RHBDF1: variants seen among roughly 807,000 people sequenced by gnomAD.
RHBDF1 encodes the protein rhomboid 5 homolog 1.
A neutral mutation model predicts 98.6 loss-of-function variants in RHBDF1; 80 were observed. That is an observed-to-expected ratio of 0.81 (90% CI 0.68 to 0.98). RHBDF1 has a LOEUF of 0.98. RHBDF1 is among the 50% of genes least tolerant of loss of function. RHBDF1 has a pLI of 0.00. For synonymous variants in RHBDF1, 512 were observed against 486.8 expected (o/e 1.05, Z -0.68); for missense variants, 1,116 against 1,198.3 (o/e 0.93, Z 1.01).
At chr16:67,816 C>A (rs1897867634) in intron 1 of RHBDF1, among the ~76,000 whole-genome samples, 1 of 152,208 alleles carries the variant, frequency 6.6e-6, no homozygotes, top group Non-Finnish European at 1.5e-5. Context: ...GGTCCCTAAT[C>A]TGGGGTAACG....
In RHBDF1 at chr16:62,674, G is replaced by C. The variant is rs1308360483; in HGVS notation, c.817C>G (p.Leu273Val). 4 of 1,614,038 alleles carry C rather than the reference G, an allele frequency of 2.5e-6. No homozygotes were observed. Among genetic ancestry groups the C allele is most frequent in the Non-Finnish European group, 3.4e-6 (4 of 1,180,050 alleles). The part of the protein sequence containing the change: ...FAREGILHEE[L>V]STYPDEVFES... ...AAAACTTCATCCGGGTATGTGGACA[G>C]CTCTTCATGGAGGATACCTTCCTGA... is the stretch of plus-strand genomic sequence containing the variant. Residue 273 changes from leucine (L) to valine (V), a missense_variant, in exon 7 of 18, where the codon CTG (leucine) becomes GTG (valine). Coordinates refer to ENST00000262316, the MANE Select transcript of RHBDF1 (RefSeq NM_022450.5).
At position 63,656 on chromosome 16, in the gene RHBDF1, G is replaced by A. The variant is rs760625349; in HGVS notation, c.393C>T (p.Asn131=). Reference sequence around the variant, plus strand: ...GCGTCTCGGTGCTGGTCAGCGACACGTTGTCCTGGCTGGGCAGGTCCAGCT... The same window carrying A: ...GCGTCTCGGTGCTGGTCAGCGACACATTGTCCTGGCTGGGCAGGTCCAGCT... ...LRELDLPSQD[N]VSLTSTETPP... Residue 131 remains asparagine (N), a synonymous_variant, in exon 4 of 18, where the codon AAC becomes AAT. Coordinates refer to ENST00000262316, the MANE Select transcript of RHBDF1 (RefSeq NM_022450.5). 1.1e-5 allele frequency: 18 copies of A among 1,609,748 alleles called. No individual in the cohort carries two copies. The East Asian group carries it at 2.2e-4, about 20-fold the overall frequency.
chr16:64,562 G>A (rs1897770276), intron 3 of RHBDF1, 137 bp downstream of exon 3: 1 of 1,541,922 alleles, frequency 6.5e-7, no homozygotes, highest in Non-Finnish European at 8.7e-7. Flanking sequence ...AGGAGGGCAA[G>A]GGGATGGTGG....
intron 1 of RHBDF1, among the ~76,000 whole-genome samples, chr16:69,030 G>A (rs1027097300): frequency 1.3e-5 from 2 of 152,172 alleles, no homozygotes; most frequent in African/African-American, 4.8e-5. Flanking sequence ...AGTAGCAGCG[G>A]CTGACTCCAT....
Position 61,201 on chromosome 16 carries a change from C to T in RHBDF1, c.1476G>A (p.Ala492=). 2 of 1,544,318 alleles carry T rather than the reference C, an allele frequency of 1.3e-6. No homozygotes were observed. Among genetic ancestry groups the T allele is most frequent in the South Asian group, 1.2e-5 (1 of 83,986 alleles). The change falls in exon 11 of 18, where the codon GCG becomes GCA. Residue 492 remains alanine (A), a synonymous_variant. Transcript: ENST00000262316. Reference sequence around the variant, plus strand: ...AGGCGGAGTGCTTCTCGCGCTCGCGCGCCGAGCGAATGAAGCTGTGCACCT... The same window carrying T: ...AGGCGGAGTGCTTCTCGCGCTCGCGTGCCGAGCGAATGAAGCTGTGCACCT... ...DPQVHSFIRS[A]REREKHSACC... is the part of the protein sequence containing the mutation.
intron 1 of RHBDF1, among the ~76,000 whole-genome samples, chr16:65,544 G>T (rs1897806792): frequency 6.6e-6 from 1 of 152,136 alleles, no homozygotes; most frequent in South Asian, 2.1e-4. Flanking sequence ...GGTTGCAGGG[G>T]TTTCCACACA....
upstream of RHBDF1, among the ~76,000 whole-genome samples, chr16:75,442 G>A (rs1270608786): frequency 1.3e-5 from 2 of 152,214 alleles, no homozygotes; most frequent in African/African-American, 4.8e-5. Context: ...GGAGTCCCTG[G>A]AAGGATCAGA....
chr16:60,332 C>A, intron 12 of RHBDF1, 53 bp from the exon 13 acceptor site: 2 of 1,609,642 alleles, frequency 1.2e-6, no homozygotes, highest in Non-Finnish European at 1.7e-6. Flanking sequence ...AGCATTGGCA[C>A]CCTTCCAGCC....
In RHBDF1 at chr16:64,943, GA is replaced by G; in HGVS notation, c.72del (p.Ser26LeufsTer5). ...TCTGCCGTCAGGGGCACCGCAGAGG[GA>G]ATGTCCAGCTTTAGCCAGGGTGGCT... ...RKKPPWLKLD[I>X]PSAVPLTAEE... On this transcript the variant is annotated frameshift_variant, in exon 2 of 18. Transcript: ENST00000262316. LOFTEE classifies it high-confidence loss of function. The G allele has an allele frequency of 5.0e-6, 8 of 1,591,622 alleles. No homozygotes were observed. Among genetic ancestry groups the G allele is most frequent in the Non-Finnish European group, 6.9e-6 (8 of 1,165,918 alleles).
At position 72,576 on chromosome 16, in the gene RHBDF1, G is replaced by C. The variant is rs1176451213; in HGVS notation, c.-88C>G. On this transcript the variant is annotated 5_prime_UTR_variant, in exon 1 of 18. Coordinates refer to ENST00000262316, the MANE Select transcript of RHBDF1 (RefSeq NM_022450.5). The stretch of plus-strand genomic sequence containing the variant: ...GGGGAGGAGGCTGCCGCCGCTGGCC[G>C]GGAGGGCCCGCGCCGAGTCCCCGCC... 6.4e-5 allele frequency: 53 copies of C among 830,850 alleles called. No individual in the cohort carries two copies. Among genetic ancestry groups the C allele is most frequent in the Non-Finnish European group, 6.8e-5 (52 of 759,592 alleles). 51.5% of individuals were successfully genotyped at this position (830,850 alleles called of 1,614,324 possible).
At chr16:65,062 C>G in intron 1 of RHBDF1, 23 bp from the exon 2 acceptor site, 1 of 1,488,080 alleles carries the variant, frequency 6.7e-7, no homozygotes, top group Non-Finnish European at 8.9e-7. Flanking sequence ...GTGTGTTATT[C>G]AATAATGACA....
rs761211191 is a variant in RHBDF1, at chr16:62,880, AT to A, written c.689del (p.Asp230ValfsTer60). 3.7e-6 allele frequency: 6 copies of A among 1,613,864 alleles called. No homozygotes were observed. The highest frequency in any genetic ancestry group is 5.1e-6 in the Non-Finnish European group (6 of 1,179,964). Reference sequence around the variant, plus strand: ...GACGCTGTGCCCGGCGAAAGGTGCCATCCCTAACGGAGCGGCCCTGGGGACG... The same window carrying A: ...GACGCTGTGCCCGGCGAAAGGTGCCACCCTAACGGAGCGGCCCTGGGGACG... The part of the protein sequence containing the change: ...AALMKGRSVR[D>X]GTFRRAQRRS... On this transcript the variant is annotated frameshift_variant, in exon 6 of 18. Coordinates refer to ENST00000262316, the MANE Select transcript of RHBDF1 (RefSeq NM_022450.5). LOFTEE classifies it high-confidence loss of function.
intron 13 of RHBDF1, 51 bp from the exon 14 acceptor site, chr16:59,877 C>A: frequency 6.2e-7 from 1 of 1,612,408 alleles, no homozygotes; most frequent in Non-Finnish European, 8.5e-7. Context: ...CAACCTTTGG[C>A]CCCACACCAC....
intron 1 of RHBDF1, among the ~76,000 whole-genome samples, chr16:68,909 TG>T (rs1449026551): frequency 6.6e-6 from 1 of 152,094 alleles, no homozygotes; most frequent in Non-Finnish European, 1.5e-5. Context: ...GGGAGGCCAC[TG>T]GGGACAGCCC....
chr16:67,942 C>T (rs1310112492), intron 1 of RHBDF1, among the ~76,000 whole-genome samples: 4 of 152,054 alleles, frequency 2.6e-5, no homozygotes, highest in South Asian at 2.1e-4. Context: ...TGAGCGTGTA[C>T]GGGGAACCTG....
At chr16:66,121 G>A (rs1890815690) in intron 1 of RHBDF1, among the ~76,000 whole-genome samples, 1 of 152,222 alleles carries the variant, frequency 6.6e-6, no homozygotes, top group Non-Finnish European at 1.5e-5. Context: ...AGATTGAGAA[G>A]GGCCCCTGAG....
At chr16:62,423 G>A in intron 7 of RHBDF1, 115 bp downstream of exon 7, 1 of 1,381,370 alleles carries the variant, frequency 7.2e-7, no homozygotes, top group Non-Finnish European at 9.9e-7. Context: ...TGAGTTCCCA[G>A]TCCCTGAGGC....
chr16:64,898 C>T lies in RHBDF1; in HGVS notation c.117+1G>A, dbSNP rs1210355004. 1 of 1,610,690 alleles carries T rather than the reference C, an allele frequency of 6.2e-7. No individual in the cohort carries two copies. Among genetic ancestry groups the T allele is most frequent in the African/African-American group, 1.3e-5 (1 of 74,970 alleles). On this transcript the variant is annotated splice_donor_variant, in intron 2 of 17. Transcript: ENST00000262316. LOFTEE classifies it high-confidence loss of function. ...CACAGTCCCTGCAGGCCAGGGCCTA[C>T]CTGCAGGAAGCTGGGCTCTTCTGCC...
At chr16:71,921 C>T (rs1897980434) in intron 1 of RHBDF1, among the ~76,000 whole-genome samples, 1 of 152,246 alleles carries the variant, frequency 6.6e-6, no homozygotes, top group African/African-American at 2.4e-5. Context: ...CCCAGCCCAC[C>T]CTGGAGCTTC....
Sources: gnomAD v4.1 joint callset for allele counts (sites outside exome capture counted in the v4.1 genomes callset) on GRCh38, gnomAD v4.1.1 for gene constraint, MANE v1.5 for transcripts, NCBI Gene and HGNC (gene_info 2026-07-23, HGNC 2026-07-21) for gene names.